Variants in FGD6 observed in about 807,000 individuals in gnomAD.
FGD6 encodes the protein FYVE, RhoGEF and PH domain containing 6.
FGD6 carries 90 observed loss-of-function variants against 149.4 expected under a neutral mutation model. The observed-to-expected ratio is 0.60, with a 90% confidence interval of 0.51 to 0.72. FGD6 has a LOEUF of 0.72. Ranked by LOEUF, FGD6 falls within the 30% of genes least tolerant of loss-of-function variation. The pLI is 0.00. For synonymous variants in FGD6, 527 were observed against 584.0 expected (o/e 0.90, Z 1.41); for missense variants, 1,437 against 1,684.8 (o/e 0.85, Z 2.57).
chr12:95,110,125 T>C (rs2136242614), intron 9 of FGD6, among the ~76,000 whole-genome samples: 2 of 151,606 alleles, frequency 1.3e-5, no homozygotes, highest in East Asian at 4.0e-4. Context: ...TACAGGCACC[T>C]GCCACCACGT....
In FGD6 at chr12:95,113,771, T is replaced by C. The variant is rs528683313; in HGVS notation, c.3083-70A>G. 3.5e-4 allele frequency: 337 copies of C among 958,032 alleles called. 2 individuals are homozygous for C. Among genetic ancestry groups the C allele is most frequent in the Middle Eastern group, 1.7e-3 (6 of 3,566 alleles). 59.3% of individuals were successfully genotyped at this position (958,032 alleles called of 1,614,324 possible). On this transcript the variant is annotated intron_variant, in intron 8 of 20. Transcript: ENST00000343958. Reference sequence around the variant, plus strand: ...AGCCCCAAACACATATCTTTCTTTTTCAATACTTCATTAGTCTTGCTGGTT... The same window carrying C: ...AGCCCCAAACACATATCTTTCTTTTCCAATACTTCATTAGTCTTGCTGGTT...
chr12:95,125,117 C>A (rs558968216), intron 8 of FGD6, among the ~76,000 whole-genome samples: 47 of 152,098 alleles, frequency 3.1e-4, no homozygotes, highest in African/African-American at 1.1e-3. Context: ...AAAAATTATT[C>A]TGAGAAGGGC....
chr12:95,148,502 ATATAG>A (rs1880080927), intron 5 of FGD6, among the ~76,000 whole-genome samples: 1 of 119,472 alleles, frequency 8.4e-6, no homozygotes, highest in Admixed American at 1.0e-4. Flanking sequence ...ATAATATAAT[ATATAG>A]CATATATTAT....
intron 8 of FGD6, among the ~76,000 whole-genome samples, chr12:95,122,624 C>A: frequency 9.3e-6 from 1 of 107,118 alleles, no homozygotes; most frequent in African/African-American, 3.7e-5. Context: ...CTAGCCTGGG[C>A]AACAGAGCGA....
At chr12:95,161,331 A>G (rs1217541423) in intron 3 of FGD6, among the ~76,000 whole-genome samples, 1 of 152,174 alleles carries the variant, frequency 6.6e-6, no homozygotes, top group African/African-American at 2.4e-5. Context: ...CCCCGTCTCC[A>G]CTAAAAATAC....
intron 2 of FGD6, among the ~76,000 whole-genome samples, chr12:95,202,682 C>G (rs1261730407): frequency 6.6e-6 from 1 of 152,082 alleles, no homozygotes; most frequent in East Asian, 1.9e-4. Context: ...GTATGAGCCA[C>G]CATGCCTGGC....
At chr12:95,187,853 C>T (rs536333205) in intron 2 of FGD6, among the ~76,000 whole-genome samples, 110 of 152,246 alleles carry the variant, frequency 7.2e-4, no homozygotes, top group African/African-American at 2.2e-3. Context: ...TAGCTTACTA[C>T]TTGTACAGTA....
intron 5 of FGD6, among the ~76,000 whole-genome samples, chr12:95,145,257 G>A (rs1879978157): frequency 6.6e-6 from 1 of 152,112 alleles, no homozygotes; most frequent in Admixed American, 6.6e-5. Flanking sequence ...CCAAAGTGTT[G>A]GGATTACAGG....
intron 20 of FGD6, 112 bp from the exon 21 acceptor site, chr12:95,081,668 G>GATATATATATATATATATATATATATAT (rs76750575): frequency 1.2e-5 from 4 of 342,342 alleles, no homozygotes; most frequent in African/African-American, 8.9e-5. Context: ...ACATAGGTAA[G>GATATATATATATATATATATATATATAT]ATATATATAT....
At chr12:95,152,615 T>A (rs1223725284) in intron 5 of FGD6, among the ~76,000 whole-genome samples, 196 bp downstream of exon 5, 2 of 152,248 alleles carry the variant, frequency 1.3e-5, no homozygotes, top group African/African-American at 4.8e-5. Flanking sequence ...AAAACTGTTA[T>A]GAAGACATAA....
chr12:95,155,161 G>A (rs1468509468), intron 3 of FGD6, among the ~76,000 whole-genome samples: 1 of 152,122 alleles, frequency 6.6e-6, no homozygotes, highest in Non-Finnish European at 1.5e-5. Context: ...TAAAGCATGG[G>A]TGATGTTCAA....
chr12:95,153,222 A>G (rs1209758294), intron 3 of FGD6, among the ~76,000 whole-genome samples: 4 of 152,224 alleles, frequency 2.6e-5, no homozygotes, highest in Non-Finnish European at 5.9e-5. Context: ...AGCTGGATTG[A>G]TGAACTGCCC....
chr12:95,092,898 T>C, intron 15 of FGD6, 53 bp from the exon 16 acceptor site: 2 of 1,550,580 alleles, frequency 1.3e-6, no homozygotes, highest in Non-Finnish European at 1.7e-6. Context: ...CCTGCCTTTT[T>C]ATTCGGCAGT....
chr12:95,102,044 A>C (rs979183942), intron 14 of FGD6, among the ~76,000 whole-genome samples: 1 of 135,024 alleles, frequency 7.4e-6, no homozygotes, highest in African/African-American at 2.9e-5. Flanking sequence ...GGCTGAACAC[A>C]ATCCTGCCTG....
At chr12:95,086,536 CTTTTTTTTTTTTTT>C (rs1010739533) in intron 18 of FGD6, among the ~76,000 whole-genome samples, 4 of 105,756 alleles carry the variant, frequency 3.8e-5, no homozygotes, top group Non-Finnish European at 6.0e-5. Context: ...TTTTTTTTTT[CTTTTTTTTTTTTTT>C]TTTTTTTGAG....
chr12:95,207,773 C>G (rs982439907), intron 2 of FGD6, among the ~76,000 whole-genome samples: 2 of 152,170 alleles, frequency 1.3e-5, no homozygotes, highest in African/African-American at 4.8e-5. Flanking sequence ...TACATTAAGA[C>G]AGCCTGAGAT....
intron 5 of FGD6, among the ~76,000 whole-genome samples, chr12:95,144,454 G>A (rs1004906414): frequency 2.6e-5 from 4 of 151,942 alleles, no homozygotes; most frequent in Admixed American, 2.0e-4. Context: ...GTGCAATGGC[G>A]TGATCTCAGC....
chr12:95,125,327 A>G (rs895497646), intron 8 of FGD6, among the ~76,000 whole-genome samples: 2 of 152,158 alleles, frequency 1.3e-5, no homozygotes, highest in Admixed American at 6.5e-5. Flanking sequence ...AACACTTTCC[A>G]TAGCATTAAA....
Position 95,092,715 on chromosome 12 carries a change from C to G in FGD6, c.3731G>C (p.Cys1244Ser), listed in dbSNP as rs749179281. 1 of 1,614,052 alleles carries G rather than the reference C, an allele frequency of 6.2e-7. No individual in the cohort carries two copies. The highest frequency in any genetic ancestry group is 8.5e-7 in the Non-Finnish European group (1 of 1,180,000). ...EFTLTWRRHH[C>S]RACGKIVCQA... ...ATCGCCAACCTTTCCACAGGCCCGG[C>G]AGTGGTGTCGTCTCCAGGTGAGAGT... Residue 1244 changes from cysteine to serine, a missense_variant, in exon 16 of 21, where the codon TGC becomes TCC. By Grantham distance (112) the Cys-to-Ser change is moderately radical. Coordinates refer to ENST00000343958, the MANE Select transcript of FGD6 (RefSeq NM_018351.4).
Sources: gnomAD v4.1 joint callset for allele counts (sites outside exome capture counted in the v4.1 genomes callset) on GRCh38, gnomAD v4.1.1 for gene constraint, MANE v1.5 for transcripts, NCBI Gene and HGNC (gene_info 2026-07-23, HGNC 2026-07-21) for gene names.